ALKBH4: variants seen among roughly 807,000 people sequenced by gnomAD.
The protein encoded by ALKBH4 is alpha-ketoglutarate-dependent dioxygenase alkB homolog 4.
In ALKBH4, 8 loss-of-function variants were observed where a neutral mutation model predicts 12.1. That is an observed-to-expected ratio of 0.66 (90% confidence interval 0.39 to 1.19). The LOEUF is 1.19. Among genes scored for constraint, ALKBH4 ranks in the 50% most tolerant of loss-of-function variants. The pLI is 0.01. For missense variants in ALKBH4, 403 were observed against 430.4 expected (o/e 0.94, Z 0.56); for synonymous variants, 195 against 191.6 (o/e 1.02, Z -0.15).
At chr7:102,460,843 C>T (rs906176605) in intron 1 of ALKBH4, among the ~76,000 whole-genome samples, 32 of 152,282 alleles carry the variant, frequency 2.1e-4, no homozygotes, top group Admixed American at 1.8e-3. Flanking sequence ...CCCTACAGAG[C>T]TGAGCGTTCA....
chr7:102,457,284 C>A lies in ALKBH4; in HGVS notation c.*110G>T, dbSNP rs1275949076. On this transcript the variant is annotated 3_prime_UTR_variant, in exon 3 of 3. Transcript: ENST00000292566. The surrounding 1 kb of genome is among the most constrained non-coding windows in gnomAD (Gnocchi z 5.9). ...TGGGCAGGGCTCACACTGCTCACAGCATCAGGGGTCAGCCATCTTCTCTTG... is the reference window on the plus strand; with the variant it reads ...TGGGCAGGGCTCACACTGCTCACAGAATCAGGGGTCAGCCATCTTCTCTTG... 9 of 1,268,964 alleles carry A rather than the reference C, an allele frequency of 7.1e-6. No homozygotes were observed. Among genetic ancestry groups the A allele is most frequent in the Non-Finnish European group, 8.8e-6 (8 of 904,274 alleles). 78.6% of individuals were successfully genotyped at this position (1,268,964 alleles called of 1,614,324 possible). A position where few individuals can be genotyped will look rare whatever the true frequency, so the allele number is the denominator to read the frequency against.
chr7:102,457,344 C>T lies in ALKBH4; in HGVS notation c.*50G>A, dbSNP rs900640804. 2 of 1,555,318 alleles carry T rather than the reference C, an allele frequency of 1.3e-6. No homozygotes were observed. The highest frequency in any genetic ancestry group is 1.2e-5 in the South Asian group (1 of 83,240). On this transcript the variant is annotated 3_prime_UTR_variant, in exon 3 of 3. Transcript: ENST00000292566. The surrounding 1 kb of genome is among the most constrained non-coding windows in gnomAD (Gnocchi z 5.9). ...GAGTTGCAGGAGGCCCTGTTCTGTG[C>T]TCCTCATTTCAATCCCGGGATCAGT...
rs189000631 is a variant in ALKBH4, at chr7:102,457,700, C to T, written c.603G>A (p.Leu201=). ...CAGCCGACGGGGCCGAGCAGAGGAG[C>T]AGGCTCCCGGGCGCCTCCCGACACA... is the stretch of plus-strand genomic sequence containing the variant. ...LSMCREAPGS[L]LLCSAPSAAP... The change falls in exon 3 of 3, where the codon CTG becomes CTA. Residue 201 remains leucine, a synonymous_variant. Coordinates refer to ENST00000292566, the MANE Select transcript of ALKBH4 (RefSeq NM_017621.4). This position sits in a 1 kb window ranked among gnomAD's most constrained non-coding sequence, Gnocchi z 5.9. 2,438 of 1,555,622 alleles carry T rather than the reference C, an allele frequency of 1.6e-3. 35 individuals carry two copies. The African/African-American group carries it at 0.029, about 18-fold the overall frequency.
chr7:102,461,011 G>A lies in ALKBH4; in HGVS notation c.124-1210C>T, dbSNP rs896452956. ...TCTGCCACCAACCCCGAGGCCTGGC[G>A]GTACTCTAAGGGTTCCCCCATGCTA... On this transcript the variant is annotated intron_variant, in intron 1 of 2. Coordinates refer to ENST00000292566, the MANE Select transcript of ALKBH4 (RefSeq NM_017621.4). 3.3e-5 allele frequency among the ~76,000 whole-genome samples: 5 copies of A among 152,066 alleles called. No homozygotes were observed. The East Asian group carries it at 5.8e-4, about 18-fold the overall frequency.
At position 102,456,589 on chromosome 7, in the gene ALKBH4, A is replaced by T. The variant is rs1797655306; in HGVS notation, c.*805T>A. The T allele has an allele frequency of 6.6e-6, 1 of 152,060 alleles. No individual in the cohort carries two copies. 9.4% of individuals were successfully genotyped at this position (152,060 alleles called of 1,614,324 possible). A position where few individuals can be genotyped will look rare whatever the true frequency, so the allele number is the denominator to read the frequency against. On this transcript the variant is annotated 3_prime_UTR_variant, in exon 3 of 3. Coordinates refer to ENST00000292566, the MANE Select transcript of ALKBH4 (RefSeq NM_017621.4). ...TTAACAGCGTTATGGGGCTGGAAGG[A>T]GGCTCTCAGATTTCCCTGCCCTCCT...
At chr7:102,458,677 G>A (rs577799201) in intron 2 of ALKBH4, among the ~76,000 whole-genome samples, 2 of 151,546 alleles carry the variant, frequency 1.3e-5, no homozygotes, top group African/African-American at 4.8e-5. Context: ...GGTCAAGGCT[G>A]CGGTGAGCCA....
At chr7:102,459,145 CAA>C (rs377478984) in intron 2 of ALKBH4, among the ~76,000 whole-genome samples, 6 of 53,806 alleles carry the variant, frequency 1.1e-4, no homozygotes, top group Non-Finnish European at 2.1e-4. Flanking sequence ...GACTCTGTCT[CAA>C]AAAAAAAAAA....
intron 2 of ALKBH4, 43 bp downstream of exon 2, chr7:102,459,561 T>A (rs758062789): frequency 6.4e-7 from 1 of 1,574,138 alleles, no homozygotes; most frequent in Non-Finnish European, 8.6e-7. Context: ...GGCTGTCTCC[T>A]CAGCGCAGCC....
chr7:102,459,278 A>G, intron 2 of ALKBH4: 1 of 250,582 alleles, frequency 4.0e-6, no homozygotes, highest in East Asian at 8.0e-5. Context: ...GTGAGGAGAC[A>G]GGACACGGAT....
Position 102,457,444 on chromosome 7 carries a change from C to T in ALKBH4, c.859G>A (p.Gly287Ser). The change falls in exon 3 of 3, where the codon GGC (glycine) becomes AGC (serine). Residue 287 changes from glycine (G) to serine (S), a missense_variant. Gly to Ser is a moderately conservative substitution (Grantham distance 56). Transcript: ENST00000292566. The surrounding 1 kb of genome is among the most constrained non-coding windows in gnomAD (Gnocchi z 5.9). ...AGGGCGATCCGCAGCAGTTCCTGGC[C>T]CAGCTCTTGCTGCCTCCCTCCAGGG... ...FGPGGRQQEL[G>S]QELLRIALSF... 6.2e-7 allele frequency: 1 copy of T among 1,613,458 alleles called. No individual in the cohort carries two copies. Among genetic ancestry groups the T allele is most frequent in the Non-Finnish European group, 8.5e-7 (1 of 1,179,976 alleles).
chr7:102,463,355 A>C (rs1236012089), intron 1 of ALKBH4, among the ~76,000 whole-genome samples: 1 of 80,536 alleles, frequency 1.2e-5, no homozygotes, highest in Non-Finnish European at 2.3e-5. Flanking sequence ...TTTGAGAAGG[A>C]GTCTTGCTCT....
At position 102,464,806 on chromosome 7, in the gene ALKBH4, C is replaced by A. The variant is rs755472789; in HGVS notation, c.31G>T (p.Val11Phe). 1.2e-5 allele frequency: 18 copies of A among 1,551,980 alleles called. No homozygotes were observed. The highest frequency in any genetic ancestry group is 1.6e-5 in the Non-Finnish European group (18 of 1,154,656). MAAAAAETPEVLRECGCKGIR... is the reference protein window; with the variant it reads MAAAAAETPEFLRECGCKGIR... ...CCCTTGCAACCGCATTCCCGAAGGA[C>A]TTCGGGGGTCTCGGCGGCAGCCGCC... Residue 11 changes from valine to phenylalanine, a missense_variant, in exon 1 of 3, where the codon GTC becomes TTC. Physicochemically the swap from Val to Phe is conservative, Grantham distance 50. Transcript: ENST00000292566.
chr7:102,461,423 C>T (rs748771620), intron 1 of ALKBH4, among the ~76,000 whole-genome samples: 4 of 152,094 alleles, frequency 2.6e-5, no homozygotes, highest in Non-Finnish European at 4.4e-5. Flanking sequence ...TGCAGTGGCA[C>T]GATCTCGGCT....
chr7:102,459,983 A>G (rs1430204725), intron 1 of ALKBH4, among the ~76,000 whole-genome samples, 182 bp from the exon 2 acceptor site: 2 of 151,932 alleles, frequency 1.3e-5, no homozygotes, highest in African/African-American at 2.4e-5. Context: ...GTGAAACCCC[A>G]TCTCTACTAA....
At chr7:102,460,794 A>G (rs1181525417) in intron 1 of ALKBH4, among the ~76,000 whole-genome samples, 5 of 152,062 alleles carry the variant, frequency 3.3e-5, no homozygotes, top group Admixed American at 6.6e-5. Flanking sequence ...GCCCGTGCCT[A>G]TCACCAGCGT....
chr7:102,462,093 C>A (rs557650786), intron 1 of ALKBH4, among the ~76,000 whole-genome samples: 2 of 152,248 alleles, frequency 1.3e-5, no homozygotes, highest in Non-Finnish European at 2.9e-5. Flanking sequence ...AACTGGGAGT[C>A]CCCCGTGTGT....
chr7:102,461,971 G>A (rs1214491464), intron 1 of ALKBH4, among the ~76,000 whole-genome samples: 1 of 152,124 alleles, frequency 6.6e-6, no homozygotes. Context: ...TCCCTCCAGG[G>A]ACCTCAGCCC....
chr7:102,457,336 G>C lies in ALKBH4; in HGVS notation c.*58C>G. On this transcript the variant is annotated 3_prime_UTR_variant, in exon 3 of 3. Coordinates refer to ENST00000292566, the MANE Select transcript of ALKBH4 (RefSeq NM_017621.4). This position sits in a 1 kb window ranked among gnomAD's most constrained non-coding sequence, Gnocchi z 5.9. ...AACCCCGTGAGTTGCAGGAGGCCCT[G>C]TTCTGTGCTCCTCATTTCAATCCCG... 1.3e-6 allele frequency: 2 copies of C among 1,542,362 alleles called. 1 individual carries two copies. The highest frequency in any genetic ancestry group is 2.4e-5 in the South Asian group (2 of 81,974).
At position 102,459,973 on chromosome 7, in the gene ALKBH4, G is replaced by A. The variant is rs1005776194; in HGVS notation, c.124-172C>T. 4.6e-5 allele frequency among the ~76,000 whole-genome samples: 7 copies of A among 152,186 alleles called. No homozygotes were observed. In the South Asian group the frequency reaches 1.5e-3, roughly 32 times the overall value. On this transcript the variant is annotated intron_variant, in intron 1 of 2. Coordinates refer to ENST00000292566, the MANE Select transcript of ALKBH4 (RefSeq NM_017621.4). ...GTTCAAGACCAGCCTGGCCAACATGGTGAAACCCCATCTCTACTAAAAATA... is the reference window on the plus strand; with the variant it reads ...GTTCAAGACCAGCCTGGCCAACATGATGAAACCCCATCTCTACTAAAAATA...
Sources: allele counts gnomAD v4.1 joint callset (sites outside exome capture counted in the v4.1 genomes callset), GRCh38; gene constraint gnomAD v4.1.1; non-coding constraint Gnocchi (gnomAD v3.1); transcripts MANE v1.5; gene names NCBI Gene and HGNC (gene_info 2026-07-23, HGNC 2026-07-21).